The following PLCH1 variants were observed in gnomAD, a reference collection of about 807,000 sequenced individuals.
PLCH1 encodes 1-phosphatidylinositol 4,5-bisphosphate phosphodiesterase eta-1.
In PLCH1, 60 loss-of-function variants were observed where a neutral mutation model predicts 126.7. The observed-to-expected ratio is 0.47, with a 90% CI of 0.38 to 0.59. The LOEUF (loss-of-function observed/expected upper bound fraction) is 0.59. Ranked by LOEUF, PLCH1 falls within the 20% of genes least tolerant of loss-of-function variation. The pLI is 0.00. For synonymous variants in PLCH1, 719 were observed against 734.9 expected (o/e 0.98, Z 0.35); for missense variants, 1,723 against 2,040.0 (o/e 0.84, Z 2.99).
chr3:155,566,272 C>CGT (rs1355968134), intron 7 of PLCH1, among the ~76,000 whole-genome samples: 1 of 27,652 alleles, frequency 3.6e-5, no homozygotes, highest in South Asian at 1.3e-3. Context: ...CATATATATA[C>CGT]ATATATACAT....
intron 2 of PLCH1, among the ~76,000 whole-genome samples, chr3:155,664,622 G>C (rs1303068299): frequency 1.3e-5 from 2 of 152,136 alleles, no homozygotes; most frequent in African/African-American, 4.8e-5. Flanking sequence ...ACTGAATTTG[G>C]CCCACAGGGC....
At chr3:155,676,698 G>A (rs1285489399) in intron 2 of PLCH1, among the ~76,000 whole-genome samples, 1 of 152,146 alleles carries the variant, frequency 6.6e-6, no homozygotes, top group Non-Finnish European at 1.5e-5. Flanking sequence ...AAAGCGTTGA[G>A]GGTTTTCCTT....
chr3:155,699,449 G>A (rs2435194), intron 2 of PLCH1, among the ~76,000 whole-genome samples: 60,562 of 151,896 alleles, frequency 0.4, 12,832 homozygotes, highest in African/African-American at 0.53. Context: ...TATGTGCACA[G>A]GTATTTTCTG....
At chr3:155,722,794 T>G (rs1748047627) in intron 1 of PLCH1, among the ~76,000 whole-genome samples, 1 of 152,194 alleles carries the variant, frequency 6.6e-6, no homozygotes, top group Non-Finnish European at 1.5e-5. Flanking sequence ...TTTTTTGGTA[T>G]GTCTTTTCCT....
chr3:155,454,877 C>T (rs193234600), intron 21 of PLCH1, among the ~76,000 whole-genome samples: 1 of 152,128 alleles, frequency 6.6e-6, no homozygotes, highest in African/African-American at 2.4e-5. Context: ...TTGGGCTGGT[C>T]CCCCTGTTAC....
chr3:155,614,294 A>T (rs1735504737), intron 2 of PLCH1, among the ~76,000 whole-genome samples: 1 of 152,160 alleles, frequency 6.6e-6, no homozygotes, highest in Non-Finnish European at 1.5e-5. Flanking sequence ...TAGAAAAAAA[A>T]ATCCTAAAAC....
chr3:155,548,752 T>G (rs1242041503), intron 10 of PLCH1, among the ~76,000 whole-genome samples: 1 of 152,222 alleles, frequency 6.6e-6, no homozygotes, highest in Non-Finnish European at 1.5e-5. Flanking sequence ...TGTGGAGCTT[T>G]TATTCAAAAT....
intron 11 of PLCH1, among the ~76,000 whole-genome samples, chr3:155,518,566 C>A (rs1720658324): frequency 6.6e-6 from 1 of 152,128 alleles, no homozygotes; most frequent in South Asian, 2.1e-4. Context: ...TTTTAAAAAG[C>A]CATTATTTCT....
At chr3:155,576,198 C>T (rs1313734182) in intron 6 of PLCH1, among the ~76,000 whole-genome samples, 1 of 151,866 alleles carries the variant, frequency 6.6e-6, no homozygotes, top group African/African-American at 2.4e-5. Flanking sequence ...GGTTGTTTGG[C>T]AAATATGAGG....
At chr3:155,614,535 ACT>A (rs1403878634) in intron 2 of PLCH1, among the ~76,000 whole-genome samples, 1 of 152,208 alleles carries the variant, frequency 6.6e-6, no homozygotes, top group Non-Finnish European at 1.5e-5. Context: ...TTCAAACTAT[ACT>A]ACAAGACTAT....
chr3:155,526,489 T>C (rs61575521), intron 10 of PLCH1, among the ~76,000 whole-genome samples: 19,856 of 126,046 alleles, frequency 0.16, 1,579 homozygotes, highest in Non-Finnish European at 0.19. Flanking sequence ...CTCTCTCTCA[T>C]ACACACACAC....
chr3:155,528,635 T>A (rs1299806918), intron 10 of PLCH1, among the ~76,000 whole-genome samples: 1 of 152,224 alleles, frequency 6.6e-6, no homozygotes, highest in Non-Finnish European at 1.5e-5. Flanking sequence ...TTTTAAATGT[T>A]CTACAGAATA....
rs193019829 is a variant in PLCH1, at chr3:155,707,410, C to T, written c.-40-3146G>A. ...CTATAGAAACAGCGAAAGACAAGGC[C>T]GGGCACAGTGGCTCACGCCTGTAAT... is the stretch of plus-strand genomic sequence containing the variant. On this transcript the variant is annotated intron_variant, in intron 1 of 22. Coordinates refer to ENST00000460012, the MANE Select transcript of PLCH1 (RefSeq NM_014996.4). 3.1e-3 allele frequency among the ~76,000 whole-genome samples: 471 copies of T among 152,248 alleles called. 6 individuals carry two copies. The highest frequency in any genetic ancestry group is 5.0e-3 in the Non-Finnish European group (342 of 68,020).
rs201081912 is a variant in PLCH1, at chr3:155,481,178, A to C, written c.4848T>G (p.Pro1616=). 1 of 1,614,162 alleles carries C rather than the reference A, an allele frequency of 6.2e-7. No homozygotes were observed. The highest frequency in any genetic ancestry group is 1.7e-5 in the Admixed American group (1 of 60,016). Residue 1616 remains proline, a synonymous_variant, in exon 23 of 23, where the codon CCT becomes CCG. Transcript: ENST00000460012. This position sits in a 1 kb window ranked among gnomAD's most constrained non-coding sequence, Gnocchi z 4.2. ...VLRNKPSAPT[P]AVNRHSTGSY... is the part of the protein sequence containing the mutation. ...AGCCGGTGGAGTGGCGATTCACTGC[A>C]GGGGTGGGTGCTGAGGGTTTGTTTC... is the stretch of plus-strand genomic sequence containing the variant.
intron 1 of PLCH1, among the ~76,000 whole-genome samples, chr3:155,716,179 T>C (rs1294075022): frequency 6.6e-6 from 1 of 152,260 alleles, no homozygotes; most frequent in African/African-American, 2.4e-5. Flanking sequence ...TTATAGTTTC[T>C]AGTTTAATTC....
At chr3:155,472,763 G>C (rs1233385285) in intron 21 of PLCH1, among the ~76,000 whole-genome samples, 3 of 150,146 alleles carry the variant, frequency 2.0e-5, no homozygotes, top group Non-Finnish European at 4.5e-5. Flanking sequence ...GGGATGCAAG[G>C]CTGGTTCAAT....
chr3:155,635,778 A>C (rs1738648042), intron 2 of PLCH1, among the ~76,000 whole-genome samples: 1 of 152,216 alleles, frequency 6.6e-6, no homozygotes, highest in Non-Finnish European at 1.5e-5. Context: ...GATTTTCCTT[A>C]AAAATTGAAC....
intron 2 of PLCH1, among the ~76,000 whole-genome samples, chr3:155,654,422 T>C (rs770485237): frequency 2.6e-5 from 4 of 152,148 alleles, no homozygotes; most frequent in Non-Finnish European, 5.9e-5. Context: ...AAGAATTGAA[T>C]ATTCAAACTT....
chr3:155,662,261 T>G (rs1161215658), intron 2 of PLCH1, among the ~76,000 whole-genome samples: 1 of 152,148 alleles, frequency 6.6e-6, no homozygotes, highest in Non-Finnish European at 1.5e-5. Context: ...AAGATCAGCC[T>G]TAGCAACAGA....
Sources: gnomAD v4.1 joint callset for allele counts (sites outside exome capture counted in the v4.1 genomes callset) on GRCh38, gnomAD v4.1.1 for gene constraint, Gnocchi (gnomAD v3.1) non-coding constraint, MANE v1.5 for transcripts, NCBI Gene and HGNC (gene_info 2026-07-23, HGNC 2026-07-21) for gene names.